The following B3GAT2 variants were observed in gnomAD, a reference collection of about 807,000 sequenced individuals.
B3GAT2 encodes the protein beta-1,3-glucuronyltransferase 2.
Under a neutral mutation model 27.8 loss-of-function variants are expected in B3GAT2, and 26 were observed. The ratio of observed to expected loss-of-function variants is 0.93; its 90% CI spans 0.68 to 1.30. The LOEUF (loss-of-function observed/expected upper bound fraction) is 1.30. Among genes scored for constraint, B3GAT2 ranks in the 50% most tolerant of loss-of-function variants. The pLI, the probability that B3GAT2 is intolerant of heterozygous loss-of-function variation, is 0.00. For missense variants in B3GAT2, 458 were observed against 459.0 expected, an observed-to-expected ratio of 1.00 and a Z score of 0.02; for synonymous variants, 218 against 195.1, an observed-to-expected ratio of 1.12 and a Z score of -0.98.
rs199990479 is a variant in B3GAT2 at position 70,861,787 on chromosome 6, C to T, written c.886-38G>A. 1.7e-5 allele frequency: 27 copies of T among 1,614,050 alleles called. No individual in the cohort carries two copies. The African/African-American group carries it at 3.2e-4, about 19-fold the overall frequency. ...GAAATAGCTTGGGTAGCGCACTCTTCATGGTGACACTCGAGGTCGGGCAGC... is the reference window on the plus strand; with the variant it reads ...GAAATAGCTTGGGTAGCGCACTCTTTATGGTGACACTCGAGGTCGGGCAGC... On this transcript the variant is annotated intron_variant, in intron 3 of 3. Transcript: ENST00000230053.
rs141857745 is a variant in B3GAT2, at chr6:70,943,849, A to T, written c.591+11990T>A. Reference sequence around the variant, plus strand: ...GTTTGGTCAAAGGATACAAAATTTCAGTTAGAAAGAATACATTTAGAAGAT... The same window carrying T: ...GTTTGGTCAAAGGATACAAAATTTCTGTTAGAAAGAATACATTTAGAAGAT... On this transcript the variant is annotated intron_variant, in intron 1 of 3. Transcript: ENST00000230053. Among the ~76,000 whole-genome samples, 788 of 152,306 alleles carry T rather than the reference A, an allele frequency of 5.2e-3. 4 individuals carry two copies. Among genetic ancestry groups the T allele is most frequent in the Non-Finnish European group, 8.1e-3 (548 of 68,026 alleles).
In B3GAT2 at chr6:70,956,360, C is replaced by G; in HGVS notation, c.70G>C (p.Asp24His). The change falls in exon 1 of 4, where the codon GAC (aspartate) becomes CAC (histidine). Residue 24 changes from aspartate to histidine, a missense_variant. Physicochemically the swap from Asp to His is moderately conservative, Grantham distance 81 (BLOSUM62 -1). Transcript: ENST00000230053. ...GGCACTGGCCTGCGCGTGTCCACGT[C>G]GAGCATGATGATGACAATTAGGATC... ...PWILIVIIMLDVDTRRPVPPL... is the reference protein window; with the variant it reads ...PWILIVIIMLHVDTRRPVPPL... The G allele has an allele frequency of 6.4e-7, 1 of 1,563,796 alleles. No homozygotes were observed. Among genetic ancestry groups the G allele is most frequent in the South Asian group, 1.2e-5 (1 of 85,558 alleles).
At chr6:70,920,532 C>G (rs929467066) in intron 1 of B3GAT2, among the ~76,000 whole-genome samples, 4 of 152,222 alleles carry the variant, frequency 2.6e-5, no homozygotes, top group Non-Finnish European at 5.9e-5. Flanking sequence ...TAGACCAGAA[C>G]TGTTCCTATC....
At chr6:70,890,056 A>T (rs539114344) in intron 2 of B3GAT2, among the ~76,000 whole-genome samples, 16 of 152,226 alleles carry the variant, frequency 1.1e-4, no homozygotes, top group African/African-American at 3.9e-4. Flanking sequence ...TGCCGAGATT[A>T]TAGGTGTTAG....
chr6:70,915,774 G>A (rs1772762998), intron 1 of B3GAT2, among the ~76,000 whole-genome samples: 1 of 152,134 alleles, frequency 6.6e-6, no homozygotes, highest in Non-Finnish European at 1.5e-5. Context: ...GTCTGTTTTG[G>A]TACCAGTAAC....
intron 1 of B3GAT2, among the ~76,000 whole-genome samples, chr6:70,903,124 A>G (rs750616960): frequency 6.6e-6 from 1 of 152,082 alleles, no homozygotes; most frequent in Non-Finnish European, 1.5e-5. Flanking sequence ...ATATAAATAT[A>G]TACCATTTTT....
At position 70,856,931 on chromosome 6, in the gene B3GAT2, C is replaced by A; in HGVS notation, c.*4732G>T. The A allele has an allele frequency of 1.2e-6, 2 of 1,613,930 alleles. No individual in the cohort carries two copies. The highest frequency in any genetic ancestry group is 1.1e-5 in the South Asian group (1 of 91,062). On this transcript the variant is annotated 3_prime_UTR_variant, in exon 4 of 4. Coordinates refer to ENST00000230053, the MANE Select transcript of B3GAT2 (RefSeq NM_080742.3). The stretch of plus-strand genomic sequence containing the variant: ...TGGGGATCTAGATTTATTCACTGAG[C>A]AAACTACAAAATCAGAAGAAGTGGC...
chr6:70,866,970 T>G (rs1333211110), intron 2 of B3GAT2, among the ~76,000 whole-genome samples: 3 of 152,010 alleles, frequency 2.0e-5, no homozygotes, highest in Non-Finnish European at 4.4e-5. Context: ...AAAATATGTT[T>G]TCTGACTACA....
intron 2 of B3GAT2, among the ~76,000 whole-genome samples, chr6:70,873,341 G>C (rs1771966260): frequency 6.6e-6 from 1 of 152,126 alleles, no homozygotes; most frequent in South Asian, 2.1e-4. Flanking sequence ...ATTCTTGGTT[G>C]ATCTTTCTTT....
At chr6:70,936,938 C>A (rs1414525288) in intron 1 of B3GAT2, among the ~76,000 whole-genome samples, 2 of 151,770 alleles carry the variant, frequency 1.3e-5, no homozygotes, top group Admixed American at 1.3e-4. Context: ...ACACAAAAAA[C>A]CCTTCAAAAA....
At chr6:70,944,981 A>G (rs2150050890) in intron 1 of B3GAT2, among the ~76,000 whole-genome samples, 1 of 152,308 alleles carries the variant, frequency 6.6e-6, no homozygotes, top group African/African-American at 2.4e-5. Context: ...GTGGATCTCT[A>G]GCAAACTCCA....
At chr6:70,932,065 A>T (rs1217802697) in intron 1 of B3GAT2, among the ~76,000 whole-genome samples, 1 of 152,174 alleles carries the variant, frequency 6.6e-6, no homozygotes, top group Admixed American at 6.6e-5. Context: ...TCACAAAGAC[A>T]TATCACTTCA....
In B3GAT2 at chr6:70,887,485, C is replaced by T. The variant is rs556340951; in HGVS notation, c.736+6643G>A. Among the ~76,000 whole-genome samples, 3 of 152,256 alleles carry T rather than the reference C, an allele frequency of 2.0e-5. No homozygotes were observed. The South Asian group carries it at 6.2e-4, about 32-fold the overall frequency. On this transcript the variant is annotated intron_variant, in intron 2 of 3. Coordinates refer to ENST00000230053, the MANE Select transcript of B3GAT2 (RefSeq NM_080742.3). ...CCTGGTAAACTTGTAGCGGGGACAG[C>T]TGCTCTGGGATAGTGCCGTCACTCA...
At chr6:70,867,060 C>T (rs1771863015) in intron 2 of B3GAT2, among the ~76,000 whole-genome samples, 1 of 152,102 alleles carries the variant, frequency 6.6e-6, no homozygotes, top group African/African-American at 2.4e-5. Flanking sequence ...CAATATAATT[C>T]TAAGCAAAAT....
chr6:70,869,376 T>C (rs1404345347), intron 2 of B3GAT2, among the ~76,000 whole-genome samples: 2 of 152,162 alleles, frequency 1.3e-5, no homozygotes, highest in Non-Finnish European at 2.9e-5. Context: ...CTAACTTCTT[T>C]CTGAGTTCAT....
chr6:70,922,656 A>G (rs987858868), intron 1 of B3GAT2, among the ~76,000 whole-genome samples: 1 of 152,150 alleles, frequency 6.6e-6, no homozygotes, highest in African/African-American at 2.4e-5. Context: ...AATATGTGGG[A>G]TGCAACAAAA....
chr6:70,947,562 C>T (rs1582400803), intron 1 of B3GAT2, among the ~76,000 whole-genome samples: 1 of 152,002 alleles, frequency 6.6e-6, no homozygotes, highest in Non-Finnish European at 1.5e-5. Context: ...AGACCAATAA[C>T]AGGCTCTGAA....
At position 70,956,842 on chromosome 6, in the gene B3GAT2, C is replaced by G. The variant is rs62420337; in HGVS notation, c.-413G>C. The G allele has an allele frequency of 0.43, 446,178 of 1,041,216 alleles. 97,077 individuals are homozygous for G. Among genetic ancestry groups the G allele is most frequent in the East Asian group, 0.6 (5,652 of 9,458 alleles). The allele number at this position is 1,041,216 out of a possible 1,614,324, so 64.5% of individuals were successfully genotyped here. A position where few individuals can be genotyped will look rare whatever the true frequency, so the allele number is the denominator to read the frequency against. ...CGCTCCAGTCCGGCGGTGCTGCGGG[C>G]ACAAGGGCTCCAGCCGCGGGCCCCC... On this transcript the variant is annotated 5_prime_UTR_variant, in exon 1 of 4. Coordinates refer to ENST00000230053, the MANE Select transcript of B3GAT2 (RefSeq NM_080742.3).
chr6:70,929,727 T>C (rs1047441651), intron 1 of B3GAT2, among the ~76,000 whole-genome samples: 1 of 152,222 alleles, frequency 6.6e-6, no homozygotes, highest in African/African-American at 2.4e-5. Flanking sequence ...TCCATGCTTA[T>C]GGATAGGAAG....
Sources: allele counts gnomAD v4.1 joint callset (sites outside exome capture counted in the v4.1 genomes callset), GRCh38; gene constraint gnomAD v4.1.1; transcripts MANE v1.5; gene names NCBI Gene and HGNC (gene_info 2026-07-23, HGNC 2026-07-21).